The following NIBAN3 variants were observed in gnomAD, a reference collection of about 807,000 sequenced individuals.
NIBAN3 encodes the protein niban apoptosis regulator 3, also known as protein Niban 3.
Under a neutral mutation model 76.4 loss-of-function variants are expected in NIBAN3, and 66 were observed. The observed-to-expected ratio is 0.86, with a 90% confidence interval of 0.71 to 1.06. NIBAN3 has a LOEUF of 1.06. Ranked by LOEUF, NIBAN3 falls within the 50% of genes least tolerant of loss-of-function variation. The pLI is 0.00. For synonymous variants in NIBAN3, 360 were observed against 355.2 expected (o/e 1.01, Z -0.15); for missense variants, 808 against 810.7 (o/e 1.00, Z 0.04).
intron 4 of NIBAN3, among the ~76,000 whole-genome samples, chr19:17,534,875 T>C (rs1207724418): frequency 2.6e-5 from 4 of 151,758 alleles, no homozygotes; most frequent in South Asian, 4.2e-4. Flanking sequence ...TAACTCAGCA[T>C]TGGGCTTGCA....
At chr19:17,544,636 T>A (rs1242550502) in intron 12 of NIBAN3, among the ~76,000 whole-genome samples, 1 of 152,184 alleles carries the variant, frequency 6.6e-6, no homozygotes, top group Non-Finnish European at 1.5e-5. Flanking sequence ...CCTGGTGTGT[T>A]GGAGGAACAG....
chr19:17,551,766 G>A lies in NIBAN3; in HGVS notation c.1751-20G>A, dbSNP rs750725051. ...CTGACACATCTGATTTTTGACGTCC[G>A]TATATTTTCCATTATACAGATGAGG... On this transcript the variant is annotated intron_variant, in intron 14 of 14. Transcript: ENST00000599164. 2.5e-5 allele frequency: 19 copies of A among 757,628 alleles called. No individual in the cohort carries two copies. Among genetic ancestry groups the A allele is most frequent in the South Asian group, 2.7e-5 (2 of 72,806 alleles). 46.9% of individuals were successfully genotyped at this position (757,628 alleles called of 1,614,324 possible).
At chr19:17,526,193 A>G (rs1050290295), upstream of NIBAN3, among the ~76,000 whole-genome samples, 5 of 151,822 alleles carry the variant, frequency 3.3e-5, no homozygotes, top group African/African-American at 1.2e-4. Flanking sequence ...GGCGCCTGTA[A>G]TCCCAGCTAC....
In NIBAN3 at chr19:17,542,836, G is replaced by A. The variant is rs542436281; in HGVS notation, c.1330-481G>A. On this transcript the variant is annotated intron_variant, in intron 10 of 14. Coordinates refer to ENST00000599164, the MANE Select transcript of NIBAN3 (RefSeq NM_001321827.2). The surrounding 1 kb of genome is among the most constrained non-coding windows in gnomAD (Gnocchi z 4.8). ...GCCATAGGGAGCACAGGCTGTTGGGGACAGGAAAAGAGGAGGCAGGGAGGA... is the reference window on the plus strand; with the variant it reads ...GCCATAGGGAGCACAGGCTGTTGGGAACAGGAAAAGAGGAGGCAGGGAGGA... 2.3e-4 allele frequency among the ~76,000 whole-genome samples: 35 copies of A among 152,226 alleles called. No homozygotes were observed. In the South Asian group the frequency reaches 6.8e-3, roughly 30 times the overall value.
intron 5 of NIBAN3, among the ~76,000 whole-genome samples, chr19:17,538,248 C>G (rs2075861536): frequency 6.6e-6 from 1 of 151,628 alleles, no homozygotes. Flanking sequence ...AACCCCATCT[C>G]TACTAAAAAT....
Position 17,537,492 on chromosome 19 carries a change from C to CCTGG in NIBAN3, c.544_545insCTGG (p.Gln182ProfsTer230). The CCTGG allele has an allele frequency of 1.9e-6, 3 of 1,612,470 alleles. No homozygotes were observed. The highest frequency in any genetic ancestry group is 2.5e-6 in the Non-Finnish European group (3 of 1,179,970). ...CTTCTCTGCAGCCACCAGGGAGGCA[C>CCTGG]AGCATGCCTGGAGGCTGGCCCTGCA... On this transcript the variant is annotated frameshift_variant, in exon 5 of 15. Transcript: ENST00000599164. LOFTEE classifies it high-confidence loss of function.
At chr19:17,546,266 T>A (rs1010451429) in intron 12 of NIBAN3, 1 of 156,886 alleles carries the variant, frequency 6.4e-6, no homozygotes, top group Non-Finnish European at 1.4e-5. Context: ...AATATCTATA[T>A]CTGGTATAAC....
At chr19:17,536,134 C>T (rs1470787868) in intron 4 of NIBAN3, among the ~76,000 whole-genome samples, 1 of 152,144 alleles carries the variant, frequency 6.6e-6, no homozygotes, top group African/African-American at 2.4e-5. Context: ...GGCTGGAAGA[C>T]TGAGATGATC....
intron 3 of NIBAN3, 38 bp downstream of exon 3, chr19:17,532,426 C>A (rs768026930): frequency 5.0e-6 from 8 of 1,614,020 alleles, no homozygotes; most frequent in Non-Finnish European, 5.9e-6. Flanking sequence ...CTTCTGGGTC[C>A]CTCCTTCCCA....
At chr19:17,545,161 A>ATTTAT (rs71162150) in intron 12 of NIBAN3, 23,769 of 133,172 alleles carry the variant, frequency 0.18, 2,341 homozygotes, top group Non-Finnish European at 0.2. Context: ...AGACTATTTT[A>ATTTAT]TTTATTTTAT....
rs201992026 is a variant in NIBAN3, at chr19:17,527,302, G to A, written c.-39G>A. 1.5e-5 allele frequency: 23 copies of A among 1,550,726 alleles called. No homozygotes were observed. The highest frequency in any genetic ancestry group is 7.3e-5 in the East Asian group (3 of 40,912). ...GAGCCGAGGAACGCAGGCGGTGGTC[G>A]TGGGGAAGGGAAGAGGAGCCCCGGG... On this transcript the variant is annotated 5_prime_UTR_variant, in exon 1 of 15. In the 5' UTR this introduces an upstream ATG that the reference lacks. Transcript: ENST00000599164.
chr19:17,532,512 T>A, intron 3 of NIBAN3, 124 bp downstream of exon 3: 1 of 1,475,944 alleles, frequency 6.8e-7, no homozygotes, highest in Non-Finnish European at 9.4e-7. Context: ...AGGATGAATC[T>A]TGTGCCCCTA....
Position 17,530,794 on chromosome 19 carries a change from AC to A in NIBAN3, c.97del (p.Arg33ValfsTer42), listed in dbSNP as rs1568442606. On this transcript the variant is annotated frameshift_variant, in exon 2 of 15. Transcript: ENST00000599164. LOFTEE classifies it high-confidence loss of function. ...DTLLRNFLPC[Y>X]RGQLAASVLR... ...CTGCTGAGGAACTTCCTGCCTTGCT[AC>A]CGTGGGCAGCTGGCAGCGTCTGTCC... is the stretch of plus-strand genomic sequence containing the variant. The A allele has an allele frequency of 6.2e-7, 1 of 1,613,196 alleles. No individual in the cohort carries two copies. The highest frequency in any genetic ancestry group is 1.1e-5 in the South Asian group (1 of 91,052).
upstream of NIBAN3, among the ~76,000 whole-genome samples, chr19:17,526,924 G>A (rs1054929393): frequency 2.0e-5 from 3 of 152,112 alleles, no homozygotes; most frequent in Non-Finnish European, 4.4e-5. Flanking sequence ...CTGGGGTCCA[G>A]CCTCACCGGG....
chr19:17,529,578 T>A (rs2075675152), intron 1 of NIBAN3, among the ~76,000 whole-genome samples: 1 of 152,256 alleles, frequency 6.6e-6, no homozygotes, highest in Admixed American at 6.5e-5. Flanking sequence ...TAGATCAGGA[T>A]ACAGCACACC....
chr19:17,546,522 T>C, intron 12 of NIBAN3, 164 bp from the exon 13 acceptor site: 1 of 1,211,564 alleles, frequency 8.3e-7, no homozygotes, highest in Non-Finnish European at 1.0e-6. Context: ...GCCTGTTTAT[T>C]TTAAAATAAA....
intron 14 of NIBAN3, chr19:17,549,856 T>A (rs1358088940): frequency 3.9e-6 from 2 of 511,334 alleles, no homozygotes. Context: ...AGAGTCTAGA[T>A]CTGTTGCCCA....
Position 17,540,465 on chromosome 19 carries a change from C to T in NIBAN3, c.1053C>T (p.Thr351=), listed in dbSNP as rs2075926421. Residue 351 remains threonine (T), a synonymous_variant, in exon 9 of 15, where the codon ACC becomes ACT. Coordinates refer to ENST00000599164, the MANE Select transcript of NIBAN3 (RefSeq NM_001321827.2). ...CGCAGCTGCCCCGGGTCGTGCAGAC[C>T]CTGCTGCGCACCGTGGAAGCCTCGC... The part of the protein sequence containing the change: ...VDPQLPRVVQ[T]LLRTVEASLE... 6.3e-7 allele frequency: 1 copy of T among 1,591,516 alleles called. No homozygotes were observed. Among genetic ancestry groups the T allele is most frequent in the Admixed American group, 1.7e-5 (1 of 57,546 alleles).
chr19:17,545,314 A>G (rs2076032262), intron 12 of NIBAN3: 2 of 156,768 alleles, frequency 1.3e-5, no homozygotes, highest in African/African-American at 4.8e-5. Context: ...CGATCCTCCC[A>G]TCTCAGCCTC....
Sources: gnomAD v4.1 joint callset for allele counts (sites outside exome capture counted in the v4.1 genomes callset) on GRCh38, gnomAD v4.1.1 for gene constraint, Gnocchi (gnomAD v3.1) non-coding constraint, MANE v1.5 for transcripts, NCBI Gene and HGNC (gene_info 2026-07-23, HGNC 2026-07-21) for gene names.